ENTREP2: variants seen among roughly 807,000 people sequenced by gnomAD.
ENTREP2 encodes protein ENTREP2.
At chr15:29,179,797 G>C in the ENTREP2 span, among the ~76,000 whole-genome samples, 2 of 152,114 alleles carry the variant, frequency 1.3e-5, no homozygotes, top group African/African-American at 4.8e-5. Flanking sequence ...GTGTTAGCCA[G>C]GATGGTCTCG....
chr15:29,230,023 C>T, the ENTREP2 span, among the ~76,000 whole-genome samples: 2 of 152,116 alleles, frequency 1.3e-5, no homozygotes, highest in Non-Finnish European at 2.9e-5. Context: ...CCTAAAATCT[C>T]TACCTTGGCT....
chr15:29,629,216 G>A, the ENTREP2 span, among the ~76,000 whole-genome samples: 3 of 152,018 alleles, frequency 2.0e-5, no homozygotes, highest in African/African-American at 7.2e-5. Flanking sequence ...TCACATAGAT[G>A]GGTCATTTTT....
At chr15:29,168,699 C>T in the ENTREP2 span, among the ~76,000 whole-genome samples, 5 of 152,284 alleles carry the variant, frequency 3.3e-5, no homozygotes, top group East Asian at 7.7e-4. Flanking sequence ...CTAAAAATGT[C>T]GATGGATTTT....
the ENTREP2 span, among the ~76,000 whole-genome samples, chr15:29,240,035 G>T: frequency 6.6e-6 from 1 of 152,160 alleles, no homozygotes; most frequent in Non-Finnish European, 1.5e-5. Flanking sequence ...ATGTGCTATG[G>T]TTTGAATAAG....
the ENTREP2 span, among the ~76,000 whole-genome samples, chr15:29,561,727 T>C: frequency 2.0e-5 from 3 of 151,320 alleles, no homozygotes; most frequent in Non-Finnish European, 2.9e-5. Context: ...AATAAATAAA[T>C]AAATGTACAA....
At chr15:29,331,472 C>T in the ENTREP2 span, among the ~76,000 whole-genome samples, 1 of 152,160 alleles carries the variant, frequency 6.6e-6, no homozygotes, top group South Asian at 2.1e-4. Context: ...GTCCTTGGCA[C>T]TGATGCTCAA....
the ENTREP2 span, among the ~76,000 whole-genome samples, chr15:29,181,559 G>T: frequency 6.6e-6 from 1 of 152,140 alleles, no homozygotes; most frequent in East Asian, 1.9e-4. Flanking sequence ...TGAAAATATT[G>T]TGCCTAAGTT....
At chr15:29,340,552 C>T in the ENTREP2 span, among the ~76,000 whole-genome samples, 3,398 of 152,180 alleles carry the variant, frequency 0.022, 59 homozygotes, top group African/African-American at 0.047. Flanking sequence ...CTGGGTTAGA[C>T]CCTACACCAA....
the ENTREP2 span, among the ~76,000 whole-genome samples, chr15:29,467,188 C>T: frequency 5.9e-5 from 9 of 152,050 alleles, no homozygotes; most frequent in South Asian, 2.1e-4. Flanking sequence ...GTGTGTCCTG[C>T]GGCAAAGCGA....
At chr15:29,197,481 A>T in the ENTREP2 span, among the ~76,000 whole-genome samples, 1 of 152,016 alleles carries the variant, frequency 6.6e-6, no homozygotes, top group African/African-American at 2.4e-5. Flanking sequence ...TAAAAAAGAA[A>T]ATCAGGCCAG....
chr15:29,331,402 G>C, the ENTREP2 span, among the ~76,000 whole-genome samples: 1 of 152,010 alleles, frequency 6.6e-6, no homozygotes, highest in Non-Finnish European at 1.5e-5. Flanking sequence ...CAGGAGATGG[G>C]GAGGTCAGGT....
chr15:29,234,624 G>A, the ENTREP2 span: 137 of 1,552,470 alleles, frequency 8.8e-5, no homozygotes, highest in South Asian at 2.9e-4. Flanking sequence ...GTTTTGATGC[G>A]TGTATCAAAC....
At chr15:29,633,865 G>A in the ENTREP2 span, among the ~76,000 whole-genome samples, 9 of 152,046 alleles carry the variant, frequency 5.9e-5, no homozygotes, top group East Asian at 1.9e-4. Flanking sequence ...AGGCTGAGGC[G>A]AGAGAATCGC....
chr15:29,338,309 C>T, the ENTREP2 span, among the ~76,000 whole-genome samples: 6 of 151,208 alleles, frequency 4.0e-5, no homozygotes, highest in Non-Finnish European at 5.9e-5. Flanking sequence ...ACTAAGAAAC[C>T]AGGCAGCTCA....
At chr15:29,442,609 A>T in the ENTREP2 span, among the ~76,000 whole-genome samples, 2 of 152,110 alleles carry the variant, frequency 1.3e-5, no homozygotes, top group African/African-American at 4.8e-5. Flanking sequence ...CACAGCCCCA[A>T]ATCAGGGCAT....
At chr15:29,334,834 A>C in the ENTREP2 span, among the ~76,000 whole-genome samples, 1 of 152,218 alleles carries the variant, frequency 6.6e-6, no homozygotes, top group African/African-American at 2.4e-5. Flanking sequence ...CTATGTAGCA[A>C]GTATCACTCA....
At chr15:29,186,045 G>GC in the ENTREP2 span, among the ~76,000 whole-genome samples, 1 of 152,212 alleles carries the variant, frequency 6.6e-6, no homozygotes, top group African/African-American at 2.4e-5. Context: ...CTGGTGTTTG[G>GC]CCCCCGAATG....
the ENTREP2 span, among the ~76,000 whole-genome samples, chr15:29,332,305 C>T: frequency 1.3e-5 from 2 of 151,998 alleles, no homozygotes; most frequent in Non-Finnish European, 2.9e-5. Context: ...ATAGCCATAG[C>T]TTTACATGTA....
At chr15:29,213,640 G>A in the ENTREP2 span, among the ~76,000 whole-genome samples, 2 of 152,198 alleles carry the variant, frequency 1.3e-5, no homozygotes, top group South Asian at 4.2e-4. Flanking sequence ...CATTGATTTT[G>A]TATCCTGAGA....
Sources: allele counts gnomAD v4.1 joint callset (sites outside exome capture counted in the v4.1 genomes callset), GRCh38; gene constraint gnomAD v4.1.1; transcripts MANE v1.5; gene names NCBI Gene and HGNC (gene_info 2026-07-23, HGNC 2026-07-21).